The following CDH10 variants were observed in gnomAD, a reference collection of about 807,000 sequenced individuals.
The protein encoded by CDH10 is cadherin 10, also known as cadherin-10.
Under a neutral mutation model 73.1 loss-of-function variants are expected in CDH10, and 30 were observed. The observed-to-expected ratio is 0.41, with a 90% CI of 0.31 to 0.56. The LOEUF is 0.56. Ranked by LOEUF, CDH10 falls within the 20% of genes least tolerant of loss-of-function variation. The probability of loss-of-function intolerance (pLI) is 0.27; values close to 1 mark genes in which losing one functional copy is unlikely to be tolerated. For synonymous variants in CDH10, 345 were observed against 348.2 expected, an observed-to-expected ratio of 0.99 and a Z score of 0.10; for missense variants, 815 against 973.7, an observed-to-expected ratio of 0.84 and a Z score of 2.17.
chr5:24,529,464 G>C (rs926745018), intron 5 of CDH10, among the ~76,000 whole-genome samples: 4 of 151,850 alleles, frequency 2.6e-5, no homozygotes, highest in Non-Finnish European at 5.9e-5. Flanking sequence ...TGTCCTTTAA[G>C]TGGGGAAATT....
chr5:24,532,098 A>G (rs1743775997), intron 5 of CDH10, among the ~76,000 whole-genome samples: 1 of 152,080 alleles, frequency 6.6e-6, no homozygotes, highest in South Asian at 2.1e-4. Context: ...ACACAATAAA[A>G]TAAATGAAAA....
intron 2 of CDH10, among the ~76,000 whole-genome samples, chr5:24,565,116 A>G (rs2112003271): frequency 6.6e-6 from 1 of 152,268 alleles, no homozygotes; most frequent in South Asian, 2.1e-4. Flanking sequence ...GTCCTTTTCA[A>G]CCTAGAAAGT....
At chr5:24,611,045 T>C (rs932961510) in intron 1 of CDH10, among the ~76,000 whole-genome samples, 1 of 152,192 alleles carries the variant, frequency 6.6e-6, no homozygotes, top group Admixed American at 6.5e-5. Flanking sequence ...TCATCTTATA[T>C]TATTTGTTGC....
At chr5:24,603,074 A>G (rs1301966495) in intron 1 of CDH10, among the ~76,000 whole-genome samples, 1 of 152,176 alleles carries the variant, frequency 6.6e-6, no homozygotes, top group Non-Finnish European at 1.5e-5. Flanking sequence ...AATTTTTTAA[A>G]TAAGAGGAAT....
chr5:24,507,526 A>G (rs1201251863), intron 7 of CDH10, among the ~76,000 whole-genome samples: 1 of 151,974 alleles, frequency 6.6e-6, no homozygotes, highest in Non-Finnish European at 1.5e-5. Context: ...ATATGTCCAT[A>G]GGAGGATTTA....
intron 1 of CDH10, among the ~76,000 whole-genome samples, chr5:24,598,571 T>A (rs926025633): frequency 4.0e-5 from 6 of 150,994 alleles, no homozygotes; most frequent in African/African-American, 7.3e-5. Flanking sequence ...ATTTTATGCC[T>A]ATATCTTATT....
chr5:24,523,787 A>G (rs963510705), intron 5 of CDH10, among the ~76,000 whole-genome samples: 2 of 152,142 alleles, frequency 1.3e-5, no homozygotes, highest in Non-Finnish European at 2.9e-5. Context: ...TATGAGAGTT[A>G]GTGTTTTTCA....
At chr5:24,554,725 A>C (rs192169174) in intron 2 of CDH10, among the ~76,000 whole-genome samples, 12 of 152,250 alleles carry the variant, frequency 7.9e-5, no homozygotes, top group Admixed American at 5.9e-4. Flanking sequence ...GACTATTCTG[A>C]GAATGTGTAA....
At chr5:24,575,232 T>C (rs1445998592) in intron 2 of CDH10, among the ~76,000 whole-genome samples, 2 of 146,506 alleles carry the variant, frequency 1.4e-5, no homozygotes, top group Non-Finnish European at 3.0e-5. Context: ...CATGGTGGCA[T>C]ACACCTGTAA....
chr5:24,505,557 C>A (rs1742670524), intron 7 of CDH10, among the ~76,000 whole-genome samples: 1 of 152,286 alleles, frequency 6.6e-6, no homozygotes, highest in Non-Finnish European at 1.5e-5. Flanking sequence ...GAATTACAGA[C>A]AGCTATATTG....
At position 24,488,103 on chromosome 5, in the gene CDH10, G is replaced by A. The variant is rs202220094; in HGVS notation, c.1927C>T (p.Leu643=). The A allele has an allele frequency of 3.1e-6, 5 of 1,612,642 alleles. No individual in the cohort carries two copies. The highest frequency in any genetic ancestry group is 4.2e-6 in the Non-Finnish European group (5 of 1,179,522). ...CTGATATCTTCTTTTGACAAGATCA[G>A]AGGCTCTTTTTTTCGCTGTCTTTTC... The part of the protein sequence containing the change: ...ALKRQRKKEP[L]ILSKEDIRDN... The change falls in exon 12 of 12, where the codon CTG becomes TTG. Residue 643 remains leucine (L), a synonymous_variant. Transcript: ENST00000264463.
At chr5:24,490,408 C>T (rs899714976) in intron 11 of CDH10, among the ~76,000 whole-genome samples, 1 of 140,682 alleles carries the variant, frequency 7.1e-6, no homozygotes, top group Non-Finnish European at 1.5e-5. Context: ...TTCTGGATTT[C>T]ATTTCATAGT....
chr5:24,545,932 C>A (rs1744321715), intron 2 of CDH10, among the ~76,000 whole-genome samples: 1 of 152,098 alleles, frequency 6.6e-6, no homozygotes, highest in Admixed American at 6.6e-5. Flanking sequence ...GCTACAGAGA[C>A]AATATTTGAA....
chr5:24,506,157 T>C (rs2111732824), intron 7 of CDH10, among the ~76,000 whole-genome samples: 1 of 150,412 alleles, frequency 6.6e-6, no homozygotes, highest in South Asian at 2.1e-4. Flanking sequence ...TAGTTTGGGA[T>C]AAGAGTTTTT....
chr5:24,639,484 G>A (rs1295325312), intron 1 of CDH10, among the ~76,000 whole-genome samples: 5 of 151,538 alleles, frequency 3.3e-5, no homozygotes, highest in African/African-American at 9.7e-5. Context: ...ATTAACCATA[G>A]AGAGAATTCC....
intron 2 of CDH10, among the ~76,000 whole-genome samples, chr5:24,580,974 T>C (rs1435720012): frequency 6.6e-6 from 1 of 152,180 alleles, no homozygotes; most frequent in African/African-American, 2.4e-5. Context: ...TGAGTTATGT[T>C]GGGATCATTC....
intron 1 of CDH10, among the ~76,000 whole-genome samples, chr5:24,600,275 C>A (rs966829983): frequency 2.0e-5 from 3 of 152,108 alleles, no homozygotes; most frequent in Non-Finnish European, 2.9e-5. Context: ...CCTCAGTGAA[C>A]CAGTTATTGA....
At chr5:24,629,836 A>G (rs527885223) in intron 1 of CDH10, among the ~76,000 whole-genome samples, 11 of 152,266 alleles carry the variant, frequency 7.2e-5, no homozygotes, top group Non-Finnish European at 1.3e-4. Flanking sequence ...TCTTTTCTTT[A>G]TAAATTACCC....
chr5:24,537,660 T>G lies in CDH10; in HGVS notation c.246A>C (p.Gln82His). The G allele has an allele frequency of 6.3e-7, 1 of 1,591,684 alleles. No homozygotes were observed. Among genetic ancestry groups the G allele is most frequent in the Non-Finnish European group, 8.6e-7 (1 of 1,162,042 alleles). The stretch of plus-strand genomic sequence containing the variant: ...ATTTGAGTGATCCATCTCCTTTATC[T>G]TGGTCTGAATGTAGCTAGGGGAAAT... ...YQYVGKLHSD[Q>H]DKGDGSLKYI... Residue 82 changes from glutamine (Q) to histidine (H), a missense_variant, in exon 3 of 12, where the codon CAA becomes CAC. By Grantham distance (24) the Gln-to-His change is conservative (BLOSUM62 0). Transcript: ENST00000264463.
Sources: allele counts gnomAD v4.1 joint callset (sites outside exome capture counted in the v4.1 genomes callset), GRCh38; gene constraint gnomAD v4.1.1; transcripts MANE v1.5; gene names NCBI Gene and HGNC (gene_info 2026-07-23, HGNC 2026-07-21).